Variants in PHF8 observed in about 807,000 individuals in gnomAD.
PHF8 encodes histone lysine demethylase PHF8.
PHF8 carries 9 observed loss-of-function variants against 74.4 expected under a neutral mutation model. The observed-to-expected ratio is 0.12, with a 90% CI of 0.07 to 0.21. PHF8 has a LOEUF of 0.21. Ranked by LOEUF, PHF8 falls within the 10% of genes least tolerant of loss-of-function variation. The pLI, the probability that PHF8 is intolerant of heterozygous loss-of-function variation, is 1.00. For synonymous variants in PHF8, 311 were observed against 316.6 expected (o/e 0.98, Z 0.19); for missense variants, 478 against 816.6 (o/e 0.59, Z 5.05).
chrX:54,003,650 A>T (rs989688833), intron 8 of PHF8, among the ~76,000 whole-genome samples: 1 of 111,965 alleles, frequency 8.9e-6, no homozygotes, highest in African/African-American at 3.2e-5. Context: ...GGCATGAGCC[A>T]CTGCACCCGG....
In PHF8 at chrX:53,940,329, G is replaced by A. The variant is rs1157813317; in HGVS notation, c.2837C>T (p.Ser946Leu). Residue 946 changes from serine to leucine, a missense_variant, in exon 21 of 22, where the codon TCA becomes TTA. This residue lies in a region of PHF8 where 75 missense variants were observed against 93.3 expected (regional missense o/e 0.80). Transcript: ENST00000338154. ...GTACTCATGGTCAGCGAGACTTCCT[G>A]ACAGGGCCTCTTGTTTAGGCTCAGG... ...PPPEPKQEAL[S>L]GSLADHEYTA... is the part of the protein sequence containing the mutation. The A allele has an allele frequency of 5.8e-6, 7 of 1,208,086 alleles. No individual in the cohort carries two copies. The highest frequency in any genetic ancestry group is 7.8e-6 in the Non-Finnish European group (7 of 894,341).
chrX:54,010,905 T>C (rs988063839), intron 8 of PHF8, among the ~76,000 whole-genome samples: 6 of 111,266 alleles, frequency 5.4e-5, no homozygotes, highest in African/African-American at 2.0e-4. Flanking sequence ...GACAAAGAAG[T>C]CCATCAGCCT....
At chrX:53,983,625 A>T (rs2065512801) in intron 18 of PHF8, among the ~76,000 whole-genome samples, 1 of 111,938 alleles carries the variant, frequency 8.9e-6, no homozygotes, top group East Asian at 2.8e-4. Flanking sequence ...CTTCAACTCA[A>T]CAGGTCTATC....
rs193254121 is a variant in PHF8 at position 53,999,191 on chromosome X, C to T, written c.1233+679G>A. The stretch of plus-strand genomic sequence containing the variant: ...TATGCAGATTTTCTTCTGCCTGGGC[C>T]ACCCGGGACAGCAAGACCAACCCCT... On this transcript the variant is annotated intron_variant, in intron 11 of 21. Transcript: ENST00000338154. 2.7e-5 allele frequency among the ~76,000 whole-genome samples: 3 copies of T among 111,457 alleles called. No individual in the cohort carries two copies. The East Asian group carries it at 8.5e-4, about 31-fold the overall frequency.
intron 18 of PHF8, among the ~76,000 whole-genome samples, chrX:53,975,421 A>G (rs1054559194): frequency 2.4e-4 from 27 of 112,618 alleles, no homozygotes; most frequent in African/African-American, 8.7e-4. Context: ...CTGCATTCCC[A>G]TGTTCACTGC....
chrX:53,957,636 G>A (rs2065034750), intron 19 of PHF8, among the ~76,000 whole-genome samples: 1 of 112,078 alleles, frequency 8.9e-6, no homozygotes, highest in Non-Finnish European at 1.9e-5. Flanking sequence ...TGATTTTGTG[G>A]GACAGCAATA....
chrX:54,006,852 C>T (rs1295774406), intron 8 of PHF8, among the ~76,000 whole-genome samples: 2 of 107,364 alleles, frequency 1.9e-5, no homozygotes, highest in African/African-American at 6.8e-5. Flanking sequence ...GCAGGAGAAT[C>T]GCTTGAACCC....
intron 18 of PHF8, among the ~76,000 whole-genome samples, chrX:53,964,810 T>C (rs2065155705): frequency 9.9e-6 from 1 of 100,556 alleles, no homozygotes; most frequent in South Asian, 4.4e-4. Flanking sequence ...GAGGTTGCAG[T>C]GAGCCAAGAT....
intron 14 of PHF8, 69 bp downstream of exon 14, chrX:53,992,667 A>C (rs2065684583): frequency 4.7e-6 from 3 of 631,785 alleles, no homozygotes; most frequent in Non-Finnish European, 7.9e-6. Flanking sequence ...TTCCAATTCC[A>C]TGCCCTGTCT....
intron 5 of PHF8, 99 bp downstream of exon 5, chrX:54,017,562 T>C (rs1792741940): frequency 2.8e-6 from 2 of 721,587 alleles, no homozygotes; most frequent in Non-Finnish European, 4.3e-6. Context: ...ATTCCCAAGA[T>C]GGTTACAGAG....
At chrX:54,038,500 C>T (rs1381392816) in intron 2 of PHF8, among the ~76,000 whole-genome samples, 1 of 111,866 alleles carries the variant, frequency 8.9e-6, no homozygotes, top group Non-Finnish European at 1.9e-5. Flanking sequence ...AATACTGTAG[C>T]TAGGGCATCC....
intron 4 of PHF8, among the ~76,000 whole-genome samples, chrX:54,020,389 C>T (rs1878871748): frequency 9.0e-6 from 1 of 111,329 alleles, no homozygotes; most frequent in Admixed American, 9.6e-5. Context: ...CTGGAATCAA[C>T]TTAAACGTCC....
rs1331979485 is a variant in PHF8, at chrX:54,019,051, A to G, written c.294-1230T>C. 5.3e-5 allele frequency among the ~76,000 whole-genome samples: 6 copies of G among 112,318 alleles called. 1 individual carries two copies. Among genetic ancestry groups the G allele is most frequent in the African/African-American group, 1.9e-4 (6 of 30,917 alleles). Reference sequence around the variant, plus strand: ...ATAGTAATAAACTTAACCATATAGAAATTAAAATTTTCTCCAAGAAAGCTG... The same window carrying G: ...ATAGTAATAAACTTAACCATATAGAGATTAAAATTTTCTCCAAGAAAGCTG... On this transcript the variant is annotated intron_variant, in intron 4 of 21. Transcript: ENST00000338154.
At chrX:53,956,679 T>C (rs886515647) in intron 19 of PHF8, among the ~76,000 whole-genome samples, 2 of 105,627 alleles carry the variant, frequency 1.9e-5, no homozygotes, top group Admixed American at 2.1e-4. Flanking sequence ...TATGTGCGTG[T>C]GTGTGTGTGT....
intron 8 of PHF8, among the ~76,000 whole-genome samples, chrX:54,003,947 T>C (rs2065862203): frequency 8.9e-6 from 1 of 111,899 alleles, no homozygotes; most frequent in African/African-American, 3.3e-5. Context: ...TTCACAAACC[T>C]ATGGCTAGAC....
rs2065684674 is a variant in PHF8, at chrX:53,992,668, T to C, written c.1730+68A>G. The C allele has an allele frequency of 9.5e-6, 6 of 631,524 alleles. No individual in the cohort carries two copies. In the South Asian group the frequency reaches 1.2e-4, roughly 12 times the overall value. 52.0% of individuals were successfully genotyped at this position (631,524 alleles called of 1,213,427 possible). On this transcript the variant is annotated intron_variant, in intron 14 of 21. Transcript: ENST00000338154. ...TCCCAACCCCTAGATTCCAATTCCA[T>C]GCCCTGTCTCAGTGGCATATTACCA...
intron 3 of PHF8, 150 bp downstream of exon 3, chrX:54,022,608 T>TG: frequency 8.1e-6 from 4 of 494,173 alleles, no homozygotes; most frequent in Non-Finnish European, 7.2e-6. Flanking sequence ...GTGAGATAGG[T>TG]GCTGGCCTGT....
intron 8 of PHF8, 121 bp downstream of exon 8, chrX:54,011,001 T>C (rs2065974288): frequency 1.6e-6 from 1 of 638,818 alleles, no homozygotes; most frequent in Admixed American, 2.5e-5. Flanking sequence ...AGCCCAGTTC[T>C]GCGCCTTTCG....
At chrX:53,998,820 G>C (rs1481614271) in intron 11 of PHF8, among the ~76,000 whole-genome samples, 1 of 111,173 alleles carries the variant, frequency 9.0e-6, no homozygotes, top group African/African-American at 3.3e-5. Flanking sequence ...ACCCACTTTG[G>C]CAGTATGCAT....
Sources: gnomAD v4.1 joint callset for allele counts (sites outside exome capture counted in the v4.1 genomes callset) on GRCh38, gnomAD v4.1.1 for gene constraint, gnomAD v4.1.1 regional missense constraint, MANE v1.5 for transcripts, NCBI Gene and HGNC (gene_info 2026-07-23, HGNC 2026-07-21) for gene names.